Variants in WDR35 observed in about 807,000 individuals in gnomAD.
The protein encoded by WDR35 is WD repeat-containing protein 35.
In WDR35, 118 loss-of-function variants were observed where a neutral mutation model predicts 158.3. The observed-to-expected ratio is 0.75, with a 90% CI of 0.64 to 0.87. WDR35 has a LOEUF of 0.87. Ranked by LOEUF, WDR35 falls within the 40% of genes least tolerant of loss-of-function variation. The pLI, the probability that WDR35 is intolerant of heterozygous loss-of-function variation, is 0.00. For synonymous variants in WDR35, 448 were observed against 476.1 expected, an observed-to-expected ratio of 0.94 and a Z score of 0.77; for missense variants, 1,263 against 1,405.8, an observed-to-expected ratio of 0.90 and a Z score of 1.62.
chr2:19,931,510 G>A (rs1670526386), intron 23 of WDR35, 101 bp from the exon 24 acceptor site: 1 of 1,338,336 alleles, frequency 7.5e-7, no homozygotes, highest in Non-Finnish European at 1.1e-6. Context: ...AAAAAAGGAG[G>A]AAAATCAGTA....
At chr2:19,920,074 T>C (rs12622939) in intron 25 of WDR35, among the ~76,000 whole-genome samples, 12,905 of 152,176 alleles carry the variant, frequency 0.085, 645 homozygotes, top group East Asian at 0.23. Context: ...AGTTCTGAAA[T>C]TGAGCAGCAA....
At chr2:19,931,908 C>T (rs1368007776) in intron 23 of WDR35, among the ~76,000 whole-genome samples, 6 of 151,776 alleles carry the variant, frequency 4.0e-5, no homozygotes, top group Non-Finnish European at 7.4e-5. Context: ...AATTATCTTC[C>T]CTCCAAATAA....
At chr2:19,973,047 CT>C (rs993545157) in intron 8 of WDR35, among the ~76,000 whole-genome samples, 4 of 151,918 alleles carry the variant, frequency 2.6e-5, no homozygotes, top group African/African-American at 7.2e-5. Context: ...GAAAACAATG[CT>C]TTTATTTTAA....
chr2:19,947,166 G>C (rs1671086955), intron 14 of WDR35, among the ~76,000 whole-genome samples: 1 of 152,220 alleles, frequency 6.6e-6, no homozygotes, highest in Non-Finnish European at 1.5e-5. Context: ...CATATCAACA[G>C]TAAGTATAAT....
At position 19,966,611 on chromosome 2, in the gene WDR35, C is replaced by A; in HGVS notation, c.1194+113G>T. On this transcript the variant is annotated intron_variant, in intron 10 of 26. Coordinates refer to ENST00000281405, the MANE Select transcript of WDR35 (RefSeq NM_020779.4). ...AATTGGTCTAGACCAATAGTGCCAA[C>A]AGACCCAATGTTTTGATGTACTTGC... is the stretch of plus-strand genomic sequence containing the variant. The A allele has an allele frequency of 2.4e-6, 3 of 1,257,658 alleles. No individual in the cohort carries two copies. The South Asian group carries it at 3.9e-5, about 16-fold the overall frequency. 77.9% of individuals were successfully genotyped at this position (1,257,658 alleles called of 1,614,324 possible). A position where few individuals can be genotyped will look rare whatever the true frequency, so the allele number is the denominator to read the frequency against.
intron 18 of WDR35, 126 bp from the exon 19 acceptor site, chr2:19,938,072 T>G: frequency 7.3e-7 from 1 of 1,370,832 alleles, no homozygotes; most frequent in Non-Finnish European, 1.0e-6. Context: ...AAGTAACATA[T>G]GCAAACATTT....
At position 19,982,469 on chromosome 2, in the gene WDR35, G is replaced by C. The variant is rs942453306; in HGVS notation, c.208C>G (p.His70Asp). The C allele has an allele frequency of 1.2e-6, 2 of 1,613,566 alleles. No individual in the cohort carries two copies. Among genetic ancestry groups the C allele is most frequent in the African/African-American group, 2.7e-5 (2 of 74,934 alleles). ...AAGAAATTGAATGACTCACCACTAT[G>C]ACCTTCAAGAGTCTGATTCATAGAA... ...NLSMNQTLEG[H>D]SGSVQVVTWN... is the part of the protein sequence containing the mutation. The change falls in exon 3 of 27, where the codon CAT (histidine) becomes GAT (aspartate). Residue 70 changes from histidine (H) to aspartate (D), a missense_variant. Physicochemically the swap from His to Asp is moderately conservative, Grantham distance 81 (BLOSUM62 -1). Transcript: ENST00000281405.
At chr2:19,961,493 G>A (rs538534876) in intron 10 of WDR35, among the ~76,000 whole-genome samples, 2 of 152,292 alleles carry the variant, frequency 1.3e-5, no homozygotes, top group South Asian at 4.1e-4. Flanking sequence ...CTGCACACAG[G>A]AGCAGAGCAG....
chr2:19,937,857 TTAATGCCTTGG>T lies in WDR35; in HGVS notation c.2142_2152del (p.Tyr714Ter), dbSNP rs1241582567. 1.2e-6 allele frequency: 2 copies of T among 1,614,040 alleles called. No individual in the cohort carries two copies. The highest frequency in any genetic ancestry group is 2.7e-5 in the African/African-American group (2 of 74,924). On this transcript the variant is annotated stop_gained and frameshift_variant, in exon 19 of 27. Transcript: ENST00000281405. LOFTEE classifies it high-confidence loss of function. Reference sequence around the variant, plus strand: ...TAGTTTGCCCAAGCGCTTCACAAACTTAATGCCTTGGTAATCTTTGCAGCGCACAAATGCTT... The same window carrying T: ...TAGTTTGCCCAAGCGCTTCACAAACTTAATCTTTGCAGCGCACAAATGCTT...
At chr2:19,913,791 A>G (rs1669907315) in intron 26 of WDR35, 83 bp from the exon 27 acceptor site, 3 of 1,569,602 alleles carry the variant, frequency 1.9e-6, no homozygotes, top group East Asian at 2.3e-5. Context: ...AAAAAAACCT[A>G]AAGAATAAAA....
chr2:19,937,658 C>G, intron 19 of WDR35, 85 bp downstream of exon 19: 1 of 1,550,638 alleles, frequency 6.4e-7, no homozygotes. Flanking sequence ...TATGATACAC[C>G]TAACGTATTT....
At chr2:19,956,840 C>T (rs1671458425) in intron 11 of WDR35, among the ~76,000 whole-genome samples, 1 of 152,064 alleles carries the variant, frequency 6.6e-6, no homozygotes. Flanking sequence ...AGGATGGTCT[C>T]GATCTCCTGA....
intron 25 of WDR35, among the ~76,000 whole-genome samples, chr2:19,916,396 A>C (rs1169406195): frequency 6.6e-6 from 1 of 151,462 alleles, no homozygotes; most frequent in Non-Finnish European, 1.5e-5. Context: ...AGAACCATTC[A>C]CTCCCCTGGA....
intron 10 of WDR35, among the ~76,000 whole-genome samples, chr2:19,963,994 T>G (rs1671752674): frequency 6.6e-6 from 1 of 152,202 alleles, no homozygotes; most frequent in Non-Finnish European, 1.5e-5. Context: ...TCTGCCCACC[T>G]TGGCCTCCCA....
In WDR35 at chr2:19,953,980, TG is replaced by T; in HGVS notation, c.1256-3del. 1 of 1,614,112 alleles carries T rather than the reference TG, an allele frequency of 6.2e-7. No homozygotes were observed. The highest frequency in any genetic ancestry group is 8.5e-7 in the Non-Finnish European group (1 of 1,179,994). On this transcript the variant is annotated splice_polypyrimidine_tract_variant and splice_region_variant and intron_variant, in intron 11 of 26. Transcript: ENST00000281405. ...TGGTCATTGCAACAAACAATGGTAC[TG>T]TTAAAAATAACATTAAGATAATTTA...
At chr2:19,930,684 T>G (rs1670499355) in intron 24 of WDR35, 132 bp from the exon 25 acceptor site, 12 of 1,353,296 alleles carry the variant, frequency 8.9e-6, no homozygotes, top group African/African-American at 1.4e-5. Flanking sequence ...TACAGACTTT[T>G]TTTTTTAAGA....
chr2:19,952,844 A>G (rs1671288587), intron 12 of WDR35, among the ~76,000 whole-genome samples: 1 of 127,532 alleles, frequency 7.8e-6, no homozygotes, highest in Admixed American at 1.0e-4. Context: ...GCTGGAGTGC[A>G]GTGGCGGGAT....
chr2:19,922,307 T>A (rs1282437040), intron 25 of WDR35, among the ~76,000 whole-genome samples: 1 of 152,176 alleles, frequency 6.6e-6, no homozygotes, highest in African/African-American at 2.4e-5. Context: ...TAGCAAAGAT[T>A]TGGAGCCAAC....
At chr2:19,927,269 T>C (rs1205656923) in intron 25 of WDR35, among the ~76,000 whole-genome samples, 2 of 152,204 alleles carry the variant, frequency 1.3e-5, no homozygotes, top group Non-Finnish European at 2.9e-5. Flanking sequence ...GCTCCTATAA[T>C]TGAGGCATAC....
Sources: allele counts gnomAD v4.1 joint callset (sites outside exome capture counted in the v4.1 genomes callset), GRCh38; gene constraint gnomAD v4.1.1; transcripts MANE v1.5; gene names NCBI Gene and HGNC (gene_info 2026-07-23, HGNC 2026-07-21).